Variants in DGCR2 observed in about 807,000 individuals in gnomAD.
DGCR2 encodes DiGeorge syndrome critical region gene 2, also known as integral membrane protein DGCR2/IDD.
DGCR2 carries 24 observed loss-of-function variants against 51.6 expected under a neutral mutation model. That is an observed-to-expected ratio of 0.47 (90% CI 0.34 to 0.65). DGCR2 has a LOEUF of 0.65. Ranked by LOEUF, DGCR2 falls within the 30% of genes least tolerant of loss-of-function variation. DGCR2 has a pLI of 0.01. For synonymous variants in DGCR2, 340 were observed against 315.4 expected, an observed-to-expected ratio of 1.08 and a Z score of -0.82; for missense variants, 765 against 772.1, an observed-to-expected ratio of 0.99 and a Z score of 0.11.
intron 7 of DGCR2, 85 bp from the exon 8 acceptor site, chr22:19,042,044 G>A (rs1405733602): frequency 6.7e-7 from 1 of 1,493,550 alleles, no homozygotes; most frequent in African/African-American, 1.4e-5. Context: ...TCCTGCCCAG[G>A]CGGGCTGTGT....
chr22:19,045,149 G>C (rs796306707), intron 7 of DGCR2: 5 of 152,360 alleles, frequency 3.3e-5, no homozygotes, highest in African/African-American at 1.2e-4. Context: ...GAGGGACAGT[G>C]TAAGGTTCGT....
intron 5 of DGCR2, among the ~76,000 whole-genome samples, chr22:19,062,779 A>ATTCATTCATTCTCTTTCT: frequency 1.6e-5 from 2 of 127,354 alleles, no homozygotes; most frequent in Non-Finnish European, 3.6e-5. Context: ...ATGCATGCTC[A>ATTCATTCATTCTCTTTCT]CTCTCTCTCT....
At position 19,038,136 on chromosome 22, in the gene DGCR2, G is replaced by A. The variant is rs746726416; in HGVS notation, c.*729C>T. ...CCATGCACAGCAATGCTGGGAGAGG[G>A]ACTGATGGGGTGGGGTCAGGCCTCC... On this transcript the variant is annotated 3_prime_UTR_variant, in exon 10 of 10. Coordinates refer to ENST00000263196, the MANE Select transcript of DGCR2 (RefSeq NM_005137.3). 2 of 152,418 alleles carry A rather than the reference G, an allele frequency of 1.3e-5. No individual in the cohort carries two copies. The highest frequency in any genetic ancestry group is 2.9e-5 in the Non-Finnish European group (2 of 68,198). 9.4% of individuals were successfully genotyped at this position (152,418 alleles called of 1,614,324 possible).
intron 2 of DGCR2, among the ~76,000 whole-genome samples, chr22:19,085,094 C>A (rs2082999358): frequency 7.4e-6 from 1 of 135,328 alleles, no homozygotes; most frequent in Admixed American, 7.4e-5. Flanking sequence ...AAGAAAAATT[C>A]TCCTGCCTTG....
chr22:19,052,451 A>G (rs5747966), intron 6 of DGCR2, among the ~76,000 whole-genome samples: 151,920 of 151,944 alleles, frequency 1, 75,948 homozygotes, highest in Middle Eastern at 1. Context: ...AAAGAAAAAA[A>G]GAAAAAAGAA....
chr22:19,065,008 G>C lies in DGCR2; in HGVS notation c.388C>G (p.Arg130Gly). The C allele has an allele frequency of 1.2e-6, 2 of 1,614,048 alleles. No individual in the cohort carries two copies. Among genetic ancestry groups the C allele is most frequent in the Non-Finnish European group, 1.7e-6 (2 of 1,180,034 alleles). Residue 130 changes from arginine (R) to glycine (G), a missense_variant, in exon 4 of 10, where the codon CGG (arginine) becomes GGG (glycine). Physicochemically the swap from Arg to Gly is moderately radical, Grantham distance 125 (BLOSUM62 -2). Coordinates refer to ENST00000263196, the MANE Select transcript of DGCR2 (RefSeq NM_005137.3). ...HHYEGTASCY[R>G]VYLSGENYWD... ...TAGTTCTCCCCGCTCAGGTAGACCC[G>C]GTAGCAGCTGGCCGTGCCTTCGTAG...
At chr22:19,072,248 C>T (rs113018745) in intron 2 of DGCR2, among the ~76,000 whole-genome samples, 2,594 of 152,180 alleles carry the variant, frequency 0.017, 71 homozygotes, top group African/African-American at 0.059. Flanking sequence ...TCTCAGAACC[C>T]CAGGCTCCAG....
At chr22:19,066,587 G>C (rs950632983) in intron 3 of DGCR2, among the ~76,000 whole-genome samples, 13 of 152,206 alleles carry the variant, frequency 8.5e-5, no homozygotes, top group Non-Finnish European at 1.5e-5. Flanking sequence ...ATGAAGAGGT[G>C]AGGACACTGA....
chr22:19,098,251 C>A (rs1004338227), intron 1 of DGCR2, among the ~76,000 whole-genome samples: 5 of 152,182 alleles, frequency 3.3e-5, no homozygotes, highest in Non-Finnish European at 7.4e-5. Context: ...CCCAAACTCC[C>A]CTAACTGAGT....
chr22:19,058,359 G>T (rs2082625501), intron 5 of DGCR2, among the ~76,000 whole-genome samples: 1 of 152,140 alleles, frequency 6.6e-6, no homozygotes, highest in African/African-American at 2.4e-5. Flanking sequence ...GCATCTATCA[G>T]ACCCACAGCA....
intron 1 of DGCR2, among the ~76,000 whole-genome samples, chr22:19,101,737 T>TAAA (rs764584649): frequency 0.26 from 28,256 of 110,486 alleles, 4,254 homozygotes; most frequent in African/African-American, 0.47. Flanking sequence ...GCAAAACTGT[T>TAAA]AAAAAAAAAA....
chr22:19,089,518 T>G (rs955690388), intron 1 of DGCR2, 28 bp from the exon 2 acceptor site: 5 of 1,512,084 alleles, frequency 3.3e-6, no homozygotes, highest in Admixed American at 2.0e-5. Flanking sequence ...GAGAGGCCAT[T>G]GAGGAAGTGG....
At chr22:19,041,557 A>C in intron 8 of DGCR2, 2 of 603,502 alleles carry the variant, frequency 3.3e-6, no homozygotes, top group Non-Finnish European at 5.8e-6. Context: ...ACACCCCTCC[A>C]GCTGGAAGGG....
rs767250920 is a variant in DGCR2, at chr22:19,041,091, T to G, written c.1363A>C (p.Ile455Leu). ...TCATAGAACACACTGTCCGGGTGGA[T>G]GGAGGCCTCGTAGGGCGGCGGAGGG... Reference protein sequence around the residue: ...DDPPPPYEASIHPDSVFYDPA... With the variant: ...DDPPPPYEASLHPDSVFYDPA... Residue 455 changes from isoleucine (I) to leucine (L), a missense_variant, in exon 9 of 10, where the codon ATC becomes CTC. This residue lies in a region of DGCR2 where 205 missense variants were observed against 181.4 expected (regional missense o/e 1.13). Transcript: ENST00000263196. The G allele has an allele frequency of 4.3e-6, 7 of 1,611,402 alleles. No individual in the cohort carries two copies. Among genetic ancestry groups the G allele is most frequent in the Non-Finnish European group, 8.5e-7 (1 of 1,178,396 alleles).
At chr22:19,082,461 C>T (rs1324563631) in intron 2 of DGCR2, among the ~76,000 whole-genome samples, 1 of 151,848 alleles carries the variant, frequency 6.6e-6, no homozygotes, top group Non-Finnish European at 1.5e-5. Flanking sequence ...AAAAAGGTGG[C>T]CAGAGGCTAG....
chr22:19,093,530 G>T (rs1173871788), intron 1 of DGCR2, among the ~76,000 whole-genome samples: 1 of 152,060 alleles, frequency 6.6e-6, no homozygotes, highest in Non-Finnish European at 1.5e-5. Context: ...TGATAAATTG[G>T]ACTTCATCAA....
At chr22:19,114,023 C>A in intron 1 of DGCR2, among the ~76,000 whole-genome samples, 1 of 144,068 alleles carries the variant, frequency 6.9e-6, no homozygotes, top group Admixed American at 7.1e-5. Context: ...TGCACCACTG[C>A]ACTCCAGCCT....
intron 1 of DGCR2, among the ~76,000 whole-genome samples, chr22:19,093,429 G>C (rs193258191): frequency 6.7e-6 from 1 of 149,292 alleles, no homozygotes; most frequent in Non-Finnish European, 1.5e-5. Flanking sequence ...TAAAACTCAA[G>C]AGAAGAAAAC....
chr22:19,076,723 C>CGTTT (rs1228247995), intron 2 of DGCR2, among the ~76,000 whole-genome samples: 3 of 118,762 alleles, frequency 2.5e-5, no homozygotes, highest in Non-Finnish European at 5.3e-5. Flanking sequence ...GTCCTTTGCA[C>CGTTT]ATTTTTTTTT....
Sources: gnomAD v4.1 joint callset for allele counts (sites outside exome capture counted in the v4.1 genomes callset) on GRCh38, gnomAD v4.1.1 for gene constraint, gnomAD v4.1.1 regional missense constraint, MANE v1.5 for transcripts, NCBI Gene and HGNC (gene_info 2026-07-23, HGNC 2026-07-21) for gene names.